ANO10: variants seen among roughly 807,000 people sequenced by gnomAD.
ANO10 encodes the protein anoctamin 10.
Under a neutral mutation model 74.7 loss-of-function variants are expected in ANO10, and 77 were observed. The ratio of observed to expected loss-of-function variants is 1.03; its 90% confidence interval spans 0.86 to 1.25. The LOEUF is 1.25. ANO10 is among the 50% of genes most tolerant of loss of function. The pLI is 0.00. For missense variants in ANO10, 721 were observed against 778.1 expected, an observed-to-expected ratio of 0.93 and a Z score of 0.87; for synonymous variants, 279 against 284.9, an observed-to-expected ratio of 0.98 and a Z score of 0.21.
intron 7 of ANO10, among the ~76,000 whole-genome samples, chr3:43,571,264 G>A (rs983823604): frequency 4.6e-5 from 7 of 152,084 alleles, no homozygotes; most frequent in African/African-American, 1.7e-4. Flanking sequence ...AACCATTGTG[G>A]AAGTCAGTGT....
intron 1 of ANO10, among the ~76,000 whole-genome samples, chr3:43,609,117 T>C (rs1387957723): frequency 1.4e-5 from 2 of 143,062 alleles, no homozygotes; most frequent in Non-Finnish European, 3.1e-5. Context: ...AATTTATACT[T>C]TAAAAACCAA....
intron 1 of ANO10, chr3:43,639,172 C>T (rs533340035): frequency 6.6e-6 from 1 of 152,374 alleles, no homozygotes; most frequent in Non-Finnish European, 1.5e-5. Flanking sequence ...CACACACCAT[C>T]ATTTCTGTGT....
At chr3:43,392,955 C>A (rs911570112) in intron 12 of ANO10, among the ~76,000 whole-genome samples, 9 of 152,190 alleles carry the variant, frequency 5.9e-5, no homozygotes, top group African/African-American at 2.2e-4. Context: ...TTGCTTAGTG[C>A]AACTGAGGAA....
chr3:43,444,745 C>T (rs139063635), intron 11 of ANO10, among the ~76,000 whole-genome samples: 25 of 152,204 alleles, frequency 1.6e-4, no homozygotes, highest in African/African-American at 4.3e-4. Flanking sequence ...ACAGTCATGG[C>T]GAGGACGGCA....
chr3:43,567,183 T>G (rs933930940), intron 7 of ANO10, among the ~76,000 whole-genome samples: 3 of 151,774 alleles, frequency 2.0e-5, no homozygotes, highest in Admixed American at 2.0e-4. Context: ...TGGGACTATG[T>G]GAAAAGACCA....
intron 11 of ANO10, among the ~76,000 whole-genome samples, chr3:43,511,069 T>C (rs1201262520): frequency 6.6e-6 from 1 of 152,232 alleles, no homozygotes; most frequent in Non-Finnish European, 1.5e-5. Context: ...TGAATTTTTA[T>C]AAGCAACATT....
chr3:43,580,304 T>C (rs1302909696), intron 5 of ANO10, 49 bp downstream of exon 5: 2 of 1,611,940 alleles, frequency 1.2e-6, no homozygotes, highest in South Asian at 2.2e-5. Flanking sequence ...ATCGTAACTT[T>C]TCATCAGAGG....
intron 1 of ANO10, chr3:43,691,127 A>G (rs1371232451): frequency 4.6e-6 from 6 of 1,293,874 alleles, no homozygotes; most frequent in African/African-American, 4.6e-5. Flanking sequence ...AGCACCAAGG[A>G]GTCGCCGCCC....
chr3:43,415,916 T>C (rs572734259), intron 12 of ANO10, among the ~76,000 whole-genome samples: 4 of 152,250 alleles, frequency 2.6e-5, no homozygotes, highest in African/African-American at 9.6e-5. Context: ...AGAAGTGATC[T>C]GTGGACAGCT....
At chr3:43,691,151 G>A (rs1312281603) in intron 1 of ANO10, 3 of 1,130,920 alleles carry the variant, frequency 2.7e-6, no homozygotes, top group South Asian at 4.9e-5. Context: ...TGGCGACGAC[G>A]GGCGGCTTCC....
chr3:43,374,266 T>TA (rs2125680375), intron 12 of ANO10, among the ~76,000 whole-genome samples: 2 of 152,376 alleles, frequency 1.3e-5, no homozygotes, highest in South Asian at 4.1e-4. Flanking sequence ...ATATAACTTT[T>TA]AATGTCTGTT....
intron 11 of ANO10, among the ~76,000 whole-genome samples, chr3:43,533,870 T>C (rs17075780): frequency 0.024 from 3,659 of 152,322 alleles, 145 homozygotes; most frequent in African/African-American, 0.081. Context: ...ATTGAAAATT[T>C]TGTTAATTGC....
At chr3:43,466,623 A>T (rs1051866997) in intron 11 of ANO10, among the ~76,000 whole-genome samples, 2 of 152,196 alleles carry the variant, frequency 1.3e-5, no homozygotes, top group Non-Finnish European at 2.9e-5. Context: ...TTAACTTGAA[A>T]TGGATCATAG....
chr3:43,430,551 T>C (rs1363340030), intron 12 of ANO10, among the ~76,000 whole-genome samples: 1 of 152,142 alleles, frequency 6.6e-6, no homozygotes, highest in Admixed American at 6.6e-5. Context: ...CCTTCTTTTT[T>C]CCATTGACAT....
intron 12 of ANO10, among the ~76,000 whole-genome samples, chr3:43,367,317 G>A (rs1465966281): frequency 6.6e-6 from 1 of 152,216 alleles, no homozygotes; most frequent in African/African-American, 2.4e-5. Flanking sequence ...GGGACCAAGT[G>A]CTTGCTTTGC....
intron 12 of ANO10, among the ~76,000 whole-genome samples, chr3:43,405,362 T>C (rs2092557826): frequency 6.6e-6 from 1 of 152,230 alleles, no homozygotes; most frequent in South Asian, 2.1e-4. Context: ...AGAAGTGATG[T>C]GAGAATGGCC....
intron 1 of ANO10, among the ~76,000 whole-genome samples, chr3:43,607,862 C>G (rs1390787251): frequency 6.6e-6 from 1 of 151,890 alleles, no homozygotes; most frequent in Non-Finnish European, 1.5e-5. Context: ...AAATTAAGAA[C>G]CCAAGGAAGG....
chr3:43,417,589 CGT>C (rs1417583544), intron 12 of ANO10, among the ~76,000 whole-genome samples: 1 of 152,118 alleles, frequency 6.6e-6, no homozygotes, highest in African/African-American at 2.4e-5. Context: ...AAACTCCTCG[CGT>C]GTGTTCGTGT....
At chr3:43,652,378 C>A (rs1191888510) in intron 1 of ANO10, among the ~76,000 whole-genome samples, 1 of 152,114 alleles carries the variant, frequency 6.6e-6, no homozygotes, top group Non-Finnish European at 1.5e-5. Context: ...TGATTTTCAA[C>A]AAGAGTGACA....
Sources: allele counts gnomAD v4.1 joint callset (sites outside exome capture counted in the v4.1 genomes callset), GRCh38; gene constraint gnomAD v4.1.1; transcripts MANE v1.5; gene names NCBI Gene and HGNC (gene_info 2026-07-23, HGNC 2026-07-21).